Variants in PRR5L observed in about 807,000 individuals in gnomAD.
PRR5L encodes the protein proline-rich protein 5-like.
PRR5L carries 21 observed loss-of-function variants against 36.4 expected under a neutral mutation model. The observed-to-expected ratio is 0.58, with a 90% CI of 0.41 to 0.83. The LOEUF (loss-of-function observed/expected upper bound fraction) is 0.83, where lower values mean the gene tolerates loss of function less well. Ranked by LOEUF, PRR5L falls within the 40% of genes least tolerant of loss-of-function variation. The probability of loss-of-function intolerance (pLI) is 0.00; values close to 1 mark genes in which losing one functional copy is unlikely to be tolerated. For missense variants in PRR5L, 381 were observed against 473.3 expected, an observed-to-expected ratio of 0.80 and a Z score of 1.81; for synonymous variants, 188 against 197.0, an observed-to-expected ratio of 0.95 and a Z score of 0.38.
At chr11:36,337,758 C>T (rs1015685924) in intron 1 of PRR5L, among the ~76,000 whole-genome samples, 3 of 152,222 alleles carry the variant, frequency 2.0e-5, no homozygotes, top group Non-Finnish European at 2.9e-5. Context: ...CCAATGGTTG[C>T]CTGCTGCTCC....
Position 36,308,999 on chromosome 11 carries a change from T to G in PRR5L, c.-126+12561T>G, listed in dbSNP as rs111325181. Among the ~76,000 whole-genome samples, 161 of 152,348 alleles carry G rather than the reference T, an allele frequency of 1.1e-3. 1 individual carries two copies. Among genetic ancestry groups the G allele is most frequent in the African/African-American group, 3.8e-3 (156 of 41,576 alleles). On this transcript the variant is annotated intron_variant, in intron 1 of 8. Transcript: ENST00000530639. ...GGCTTATTTTCCTCAGTCACAAAGT[T>G]TTTATTTTGCAGCAGTATTGCAGCA...
intron 7 of PRR5L, among the ~76,000 whole-genome samples, chr11:36,448,546 C>A (rs1858880311): frequency 6.6e-6 from 1 of 152,140 alleles, no homozygotes; most frequent in African/African-American, 2.4e-5. Context: ...TTTCTCCTTG[C>A]CCTTGTGCCC....
intron 1 of PRR5L, among the ~76,000 whole-genome samples, chr11:36,387,783 G>T (rs1857484906): frequency 6.6e-6 from 1 of 152,220 alleles, no homozygotes; most frequent in Non-Finnish European, 1.5e-5. Flanking sequence ...TAAAAGGTCT[G>T]AGAAGGCTGG....
chr11:36,305,473 A>G (rs1370026970), intron 1 of PRR5L, among the ~76,000 whole-genome samples: 2 of 152,166 alleles, frequency 1.3e-5, no homozygotes, highest in African/African-American at 2.4e-5. Context: ...TGATGGTTGT[A>G]CCTATCTGTG....
chr11:36,446,326 C>T lies in PRR5L; in HGVS notation c.471C>T (p.Ile157=), dbSNP rs1300169506. ...VQGQELTIRQ[I]SLLGFRDLVL... is the part of the protein sequence containing the mutation. ...GCCAGGAGCTGACTATCCGCCAGAT[C>T]TCCCTGCTGGGCTTCCGAGACCTAG... The change falls in exon 7 of 9, where the codon ATC becomes ATT. Residue 157 remains isoleucine (I), a synonymous_variant. Coordinates refer to ENST00000530639, the MANE Select transcript of PRR5L (RefSeq NM_001160167.2). 1 of 1,613,960 alleles carries T rather than the reference C, an allele frequency of 6.2e-7. No individual in the cohort carries two copies. The highest frequency in any genetic ancestry group is 8.5e-7 in the Non-Finnish European group (1 of 1,180,044).
chr11:36,351,074 A>G (rs1455482730), intron 1 of PRR5L, among the ~76,000 whole-genome samples: 1 of 118,228 alleles, frequency 8.5e-6, no homozygotes, highest in African/African-American at 3.4e-5. Context: ...ATAAATATAT[A>G]TTTATAAATA....
At chr11:36,303,883 C>T (rs1367010593) in intron 1 of PRR5L, among the ~76,000 whole-genome samples, 1 of 152,232 alleles carries the variant, frequency 6.6e-6, no homozygotes, top group Non-Finnish European at 1.5e-5. Flanking sequence ...AGCAACCCAA[C>T]ATTGGATTTC....
chr11:36,439,793 T>C lies in PRR5L; in HGVS notation c.444+2317T>C, dbSNP rs185550438. 3.1e-4 allele frequency among the ~76,000 whole-genome samples: 47 copies of C among 152,358 alleles called. 1 individual carries two copies. The East Asian group carries it at 8.5e-3, about 28-fold the overall frequency. ...ACATATTTATAGTTTTATAGGACTGTATCTCTTAGGCTTTACTTTTTCTTT... is the reference window on the plus strand; with the variant it reads ...ACATATTTATAGTTTTATAGGACTGCATCTCTTAGGCTTTACTTTTTCTTT... On this transcript the variant is annotated intron_variant, in intron 6 of 8. Coordinates refer to ENST00000530639, the MANE Select transcript of PRR5L (RefSeq NM_001160167.2).
At chr11:36,406,660 G>A (rs1399546630) in intron 3 of PRR5L, among the ~76,000 whole-genome samples, 1 of 152,158 alleles carries the variant, frequency 6.6e-6, no homozygotes. Flanking sequence ...TTTCCTTTTG[G>A]AAGACTTGTT....
At position 36,377,092 on chromosome 11, in the gene PRR5L, C is replaced by G. The variant is rs956195165; in HGVS notation, c.-125-23905C>G. Among the ~76,000 whole-genome samples, 1 of 152,210 alleles carries G rather than the reference C, an allele frequency of 6.6e-6. No individual in the cohort carries two copies. Among genetic ancestry groups the G allele is most frequent in the Non-Finnish European group, 1.5e-5 (1 of 68,044 alleles). On this transcript the variant is annotated intron_variant, in intron 1 of 8. Coordinates refer to ENST00000530639, the MANE Select transcript of PRR5L (RefSeq NM_001160167.2). The surrounding 1 kb of genome is among the most constrained non-coding windows in gnomAD (Gnocchi z 5.1). The stretch of plus-strand genomic sequence containing the variant: ...TCGGCTTGTTTGACTCTCTCGTTCT[C>G]CCTCTGGGGGGCAAATCTAAAGAGC...
At chr11:36,422,997 G>A (rs1858302812) in intron 4 of PRR5L, among the ~76,000 whole-genome samples, 1 of 152,000 alleles carries the variant, frequency 6.6e-6, no homozygotes, top group Non-Finnish European at 1.5e-5. Flanking sequence ...CAGAGCATGG[G>A]TGTGTTTGCA....
chr11:36,457,187 T>C (rs1393895642), intron 8 of PRR5L, among the ~76,000 whole-genome samples: 5 of 152,250 alleles, frequency 3.3e-5, no homozygotes, highest in Non-Finnish European at 7.3e-5. Context: ...TTCTCTCGAT[T>C]TACCCTCTGT....
intron 6 of PRR5L, among the ~76,000 whole-genome samples, chr11:36,442,504 T>A (rs1301307999): frequency 1.3e-5 from 2 of 151,930 alleles, no homozygotes; most frequent in Non-Finnish European, 2.9e-5. Context: ...ACCATGCCAG[T>A]CTAATTTTTG....
intron 1 of PRR5L, among the ~76,000 whole-genome samples, chr11:36,331,631 G>A (rs1253433996): frequency 6.6e-6 from 1 of 152,132 alleles, no homozygotes; most frequent in African/African-American, 2.4e-5. Flanking sequence ...AAGAGAGAAT[G>A]GCAAACTCTA....
intron 4 of PRR5L, among the ~76,000 whole-genome samples, chr11:36,423,296 C>T (rs764701922): frequency 5.9e-5 from 9 of 152,152 alleles, no homozygotes; most frequent in Non-Finnish European, 1.2e-4. Flanking sequence ...TTTCCATTTG[C>T]TGCTCATATC....
intron 5 of PRR5L, among the ~76,000 whole-genome samples, chr11:36,432,174 GTT>G (rs1858513870): frequency 1.3e-5 from 2 of 150,978 alleles, no homozygotes; most frequent in African/African-American, 4.9e-5. Context: ...TTTTGTTTTT[GTT>G]TTTGTTTTTG....
At chr11:36,388,093 G>T (rs1321847221) in intron 1 of PRR5L, 2 of 152,204 alleles carry the variant, frequency 1.3e-5, no homozygotes, top group Non-Finnish European at 2.9e-5. Flanking sequence ...ACTGGTCCCA[G>T]CCTGGCCCTT....
rs1355058392 is a variant in PRR5L at position 36,406,094 on chromosome 11, G to T, written c.245+2716G>T. Among the ~76,000 whole-genome samples, 5 of 145,388 alleles carry T rather than the reference G, an allele frequency of 3.4e-5. No individual in the cohort carries two copies. The East Asian group carries it at 7.8e-4, about 23-fold the overall frequency. On this transcript the variant is annotated intron_variant, in intron 3 of 8. Coordinates refer to ENST00000530639, the MANE Select transcript of PRR5L (RefSeq NM_001160167.2). ...ATGTTGGGAGAAGGATTAAGTTGAT[G>T]GTTCCTGATCTTTTTTTTTTTGCCA... is the stretch of plus-strand genomic sequence containing the variant.
intron 1 of PRR5L, among the ~76,000 whole-genome samples, chr11:36,392,846 TCC>T (rs1857590228): frequency 1.3e-5 from 2 of 152,118 alleles, no homozygotes; most frequent in Admixed American, 1.3e-4. Flanking sequence ...TCCAATCACC[TCC>T]TACCAGGTCC....
Sources: allele counts gnomAD v4.1 joint callset (sites outside exome capture counted in the v4.1 genomes callset), GRCh38; gene constraint gnomAD v4.1.1; non-coding constraint Gnocchi (gnomAD v3.1); transcripts MANE v1.5; gene names NCBI Gene and HGNC (gene_info 2026-07-23, HGNC 2026-07-21).